Variants in CSMD1 observed in about 807,000 individuals in gnomAD.
CSMD1 encodes the protein CUB and Sushi multiple domains 1.
A neutral mutation model predicts 417.5 loss-of-function variants in CSMD1; 213 were observed. The observed-to-expected ratio is 0.51, with a 90% CI of 0.46 to 0.57. The LOEUF (loss-of-function observed/expected upper bound fraction) is 0.57, where lower values mean the gene tolerates loss of function less well. Among genes scored for constraint, CSMD1 ranks in the 20% least tolerant of loss-of-function variants. The pLI is 0.00. For missense variants in CSMD1, 6,923 were observed against 4,529.7 expected, an observed-to-expected ratio of 1.53 and a Z score of -15.17; for synonymous variants, 2,862 against 1,736.8, an observed-to-expected ratio of 1.65 and a Z score of -16.11.
chr8:3,535,560 G>A (rs964805468), intron 10 of CSMD1, among the ~76,000 whole-genome samples: 1 of 152,104 alleles, frequency 6.6e-6, no homozygotes, highest in African/African-American at 2.4e-5. Context: ...TGGTGGGTAG[G>A]AAGAAGAAGG....
chr8:4,273,341 A>G (rs1804719699), intron 3 of CSMD1, among the ~76,000 whole-genome samples: 1 of 152,168 alleles, frequency 6.6e-6, no homozygotes, highest in Non-Finnish European at 1.5e-5. Context: ...GTGCTATTCC[A>G]TTCATATTTA....
At chr8:3,319,448 A>C (rs1256327426) in intron 23 of CSMD1, among the ~76,000 whole-genome samples, 1 of 152,240 alleles carries the variant, frequency 6.6e-6, no homozygotes, top group Non-Finnish European at 1.5e-5. Flanking sequence ...GAGTAATTAA[A>C]TATTAATATA....
At chr8:4,727,227 A>C (rs1342977359) in intron 1 of CSMD1, among the ~76,000 whole-genome samples, 1 of 152,174 alleles carries the variant, frequency 6.6e-6, no homozygotes, top group Non-Finnish European at 1.5e-5. Flanking sequence ...TCCACTCAGC[A>C]GGGCACCCAA....
At chr8:4,705,721 T>C (rs1002465560) in intron 1 of CSMD1, among the ~76,000 whole-genome samples, 1 of 152,184 alleles carries the variant, frequency 6.6e-6, no homozygotes, top group Non-Finnish European at 1.5e-5. Flanking sequence ...CTGAAACCAT[T>C]TGGACATTAC....
At chr8:2,955,817 C>G in intron 63 of CSMD1, 49 bp from the exon 64 acceptor site, 1 of 1,550,884 alleles carries the variant, frequency 6.4e-7, no homozygotes, top group Non-Finnish European at 8.8e-7. Flanking sequence ...GTAAAGTTAG[C>G]ACATGTGTCT....
chr8:4,432,917 G>A (rs1012433072), intron 2 of CSMD1, among the ~76,000 whole-genome samples: 2 of 152,204 alleles, frequency 1.3e-5, no homozygotes, highest in Non-Finnish European at 2.9e-5. Flanking sequence ...AGCCAGAGAG[G>A]CTGTGTTGTT....
intron 10 of CSMD1, among the ~76,000 whole-genome samples, chr8:3,519,037 G>A (rs1054886911): frequency 1.6e-4 from 24 of 151,994 alleles, no homozygotes; most frequent in Admixed American, 9.8e-4. Flanking sequence ...TGTTTCTATC[G>A]CAACATTTTA....
At chr8:3,832,947 T>G (rs35662479) in intron 5 of CSMD1, among the ~76,000 whole-genome samples, 2 of 152,200 alleles carry the variant, frequency 1.3e-5, no homozygotes, top group African/African-American at 2.4e-5. Context: ...ATTAAATATT[T>G]TAACAAGTGA....
chr8:3,767,864 G>A (rs777188215), intron 5 of CSMD1, among the ~76,000 whole-genome samples: 13 of 152,020 alleles, frequency 8.6e-5, no homozygotes, highest in Non-Finnish European at 1.5e-4. Context: ...AAATAAATAC[G>A]TCTATTTATT....
At chr8:3,818,697 C>T (rs980197995) in intron 5 of CSMD1, among the ~76,000 whole-genome samples, 1 of 152,106 alleles carries the variant, frequency 6.6e-6, no homozygotes, top group African/African-American at 2.4e-5. Flanking sequence ...CGGCAGTCAA[C>T]AAAGGAAGGG....
intron 3 of CSMD1, among the ~76,000 whole-genome samples, chr8:4,403,809 T>C (rs1426808627): frequency 2.0e-5 from 3 of 152,180 alleles, no homozygotes; most frequent in Non-Finnish European, 4.4e-5. Flanking sequence ...CTTACATTTC[T>C]AGCTGCTCAA....
chr8:4,571,200 C>T (rs1474642270), intron 2 of CSMD1, among the ~76,000 whole-genome samples: 1 of 152,062 alleles, frequency 6.6e-6, no homozygotes. Flanking sequence ...AATTTGTTTG[C>T]TCTTGCTTCT....
chr8:3,702,952 C>T (rs1800951659), intron 7 of CSMD1, among the ~76,000 whole-genome samples: 1 of 152,198 alleles, frequency 6.6e-6, no homozygotes, highest in Non-Finnish European at 1.5e-5. Flanking sequence ...TGGGTGCTTG[C>T]TCAGTTTATT....
chr8:3,276,356 T>A (rs1802289887), intron 26 of CSMD1, among the ~76,000 whole-genome samples: 2 of 152,192 alleles, frequency 1.3e-5, no homozygotes, highest in Admixed American at 1.3e-4. Flanking sequence ...ATCACCCATC[T>A]TCTGTGTCGT....
At chr8:3,312,600 C>T (rs1044176544) in intron 23 of CSMD1, among the ~76,000 whole-genome samples, 2 of 152,126 alleles carry the variant, frequency 1.3e-5, no homozygotes, top group African/African-American at 2.4e-5. Context: ...AATCATAGGC[C>T]TTTACAATGG....
chr8:3,327,362 T>G (rs2593614), intron 23 of CSMD1, among the ~76,000 whole-genome samples: 47,581 of 151,990 alleles, frequency 0.31, 7,625 homozygotes, highest in Middle Eastern at 0.39. Flanking sequence ...CTCGATCTCG[T>G]GACCTTGTGA....
chr8:3,587,502 G>C (rs182197827), intron 8 of CSMD1, among the ~76,000 whole-genome samples: 1 of 130,270 alleles, frequency 7.7e-6, no homozygotes, highest in East Asian at 2.2e-4. Context: ...AGACAAGATA[G>C]GGGAAACATA....
chr8:3,503,252 T>G (rs545185761), intron 10 of CSMD1, among the ~76,000 whole-genome samples: 14 of 152,286 alleles, frequency 9.2e-5, no homozygotes, highest in African/African-American at 2.9e-4. Flanking sequence ...TATCCTTGCT[T>G]TATCTGAGAT....
At position 4,124,249 on chromosome 8, in the gene CSMD1, A is replaced by T. The variant is rs150857924; in HGVS notation, c.416-92150T>A. Among the ~76,000 whole-genome samples the T allele has an allele frequency of 3.1e-3, 469 of 152,290 alleles. 4 individuals are homozygous for T. The highest frequency in any genetic ancestry group is 0.01 in the African/African-American group (430 of 41,572). The stretch of plus-strand genomic sequence containing the variant: ...GCAGGGGAGTGTGAGGCCTGAGGTC[A>T]TTAACAGTAAGCACTGACTGGCAAA... On this transcript the variant is annotated intron_variant, in intron 3 of 69. Transcript: ENST00000635120.
Sources: allele counts gnomAD v4.1 joint callset (sites outside exome capture counted in the v4.1 genomes callset), GRCh38; gene constraint gnomAD v4.1.1; transcripts MANE v1.5; gene names NCBI Gene and HGNC (gene_info 2026-07-23, HGNC 2026-07-21).